Variants in AMBP observed in about 807,000 individuals in gnomAD.
AMBP encodes protein AMBP.
A neutral mutation model predicts 46.3 loss-of-function variants in AMBP; 37 were observed. That is an observed-to-expected ratio of 0.80 (90% CI 0.61 to 1.05). The LOEUF is 1.05. Among genes scored for constraint, AMBP ranks in the 50% least tolerant of loss-of-function variants. The pLI, the probability that AMBP is intolerant of heterozygous loss-of-function variation, is 0.00. For missense variants in AMBP, 475 were observed against 461.2 expected (o/e 1.03, Z -0.27); for synonymous variants, 174 against 175.9 (o/e 0.99, Z 0.09).
At chr9:114,067,560 A>G (rs956291946) in intron 6 of AMBP, among the ~76,000 whole-genome samples, 3 of 152,150 alleles carry the variant, frequency 2.0e-5, no homozygotes, top group African/African-American at 4.8e-5. Flanking sequence ...CCAACCCCCA[A>G]TAAATTTTTA....
At chr9:114,075,112 C>T in intron 2 of AMBP, 76 bp from the exon 3 acceptor site, 1 of 1,230,346 alleles carries the variant, frequency 8.1e-7, no homozygotes, top group South Asian at 1.3e-5. Flanking sequence ...TCCTGCAGGG[C>T]TCTTTCCAAA....
At chr9:114,067,991 A>G (rs1207893964) in intron 6 of AMBP, among the ~76,000 whole-genome samples, 5 of 152,250 alleles carry the variant, frequency 3.3e-5, no homozygotes, top group Admixed American at 6.5e-5. Context: ...AGAATCCACT[A>G]AAGTATAGAA....
Position 114,060,959 on chromosome 9 carries a change from C to T in AMBP, c.993G>A (p.Lys331=). Residue 331 remains lysine, a synonymous_variant, in exon 9 of 10, where the codon AAG becomes AAA. Coordinates refer to ENST00000265132, the MANE Select transcript of AMBP (RefSeq NM_001633.4). ...QGNGNKFYSE[K]ECREYCGVPG... ...GGACACCGCAGTACTCTCTGCACTCCTTCTCTGAGTAGAACTTGTTCCCGT... is the reference window on the plus strand; with the variant it reads ...GGACACCGCAGTACTCTCTGCACTCTTTCTCTGAGTAGAACTTGTTCCCGT... 1 of 1,614,226 alleles carries T rather than the reference C, an allele frequency of 6.2e-7. No homozygotes were observed. Among genetic ancestry groups the T allele is most frequent in the Non-Finnish European group, 8.5e-7 (1 of 1,180,020 alleles).
At chr9:114,070,002 T>C (rs1846728319) in intron 5 of AMBP, 1 of 530,890 alleles carries the variant, frequency 1.9e-6, no homozygotes, top group South Asian at 2.5e-5. Flanking sequence ...ATGGAAAGAA[T>C]AGCAATAGCT....
In AMBP at chr9:114,078,002, C is replaced by A. The variant is rs1218462582; in HGVS notation, c.117+91G>T. 4 of 1,275,828 alleles carry A rather than the reference C, an allele frequency of 3.1e-6. No homozygotes were observed. The East Asian group carries it at 9.3e-5, about 30-fold the overall frequency. 79.0% of individuals were successfully genotyped at this position (1,275,828 alleles called of 1,614,324 possible). Reference sequence around the variant, plus strand: ...AGATGATCTGAGTGGAAGCCTGAGACCCCGAGACAGGCCGCACTTGCCCAG... The same window carrying A: ...AGATGATCTGAGTGGAAGCCTGAGAACCCGAGACAGGCCGCACTTGCCCAG... On this transcript the variant is annotated intron_variant, in intron 1 of 9. Transcript: ENST00000265132.
intron 6 of AMBP, among the ~76,000 whole-genome samples, chr9:114,069,046 A>G (rs1366428895): frequency 1.3e-5 from 2 of 151,828 alleles, no homozygotes; most frequent in Non-Finnish European, 2.9e-5. Context: ...AATAAATATC[A>G]CATATATTTA....
chr9:114,069,047 C>T (rs897692852), intron 6 of AMBP, among the ~76,000 whole-genome samples: 2 of 151,588 alleles, frequency 1.3e-5, no homozygotes, highest in South Asian at 4.1e-4. Flanking sequence ...ATAAATATCA[C>T]ATATATTTAT....
In AMBP at chr9:114,060,941, G is replaced by T; in HGVS notation, c.1011C>A (p.Cys337Ter). The change falls in exon 9 of 10, where the codon TGC becomes TGA. Residue 337 changes from cysteine (C) to a stop codon, truncating the protein, a stop_gained. Transcript: ENST00000265132. LOFTEE classifies it high-confidence loss of function. ...FYSEKECREY[C>*]GVPGDGDEEL... ...GCTGCCTACCATCACCAGGGACACC[G>T]CAGTACTCTCTGCACTCCTTCTCTG... 6.2e-7 allele frequency: 1 copy of T among 1,614,022 alleles called. No individual in the cohort carries two copies.
At chr9:114,065,234 G>A (rs892523038) in intron 6 of AMBP, among the ~76,000 whole-genome samples, 3 of 152,202 alleles carry the variant, frequency 2.0e-5, no homozygotes, top group African/African-American at 7.2e-5. Context: ...TTGGAAATCA[G>A]ATTGTTCAGA....
chr9:114,069,654 T>A, intron 6 of AMBP, 45 bp downstream of exon 6: 1 of 1,116,890 alleles, frequency 9.0e-7, no homozygotes. Context: ...TGGGGCAGAG[T>A]GGGGTGGGAT....
intron 1 of AMBP, among the ~76,000 whole-genome samples, chr9:114,076,960 C>G (rs971215217): frequency 1.3e-5 from 2 of 152,126 alleles, no homozygotes; most frequent in Non-Finnish European, 1.5e-5. Flanking sequence ...CACAGCGAAC[C>G]CAGGAAGCAG....
chr9:114,073,270 G>A lies in AMBP; in HGVS notation c.455-244C>T, dbSNP rs1301061121. ...TTCCCCTTTTTTTTTTTTTTGAGAC[G>A]GAGTCTCACTCTGTCGCCTAGGCTG... is the stretch of plus-strand genomic sequence containing the variant. On this transcript the variant is annotated intron_variant, in intron 4 of 9. Coordinates refer to ENST00000265132, the MANE Select transcript of AMBP (RefSeq NM_001633.4). Among the ~76,000 whole-genome samples, 12 of 149,858 alleles carry A rather than the reference G, an allele frequency of 8.0e-5. 1 individual carries two copies. The highest frequency in any genetic ancestry group is 2.0e-4 in the East Asian group (1 of 5,094).
At position 114,078,242 on chromosome 9, in the gene AMBP, C is replaced by T. The variant is rs777608347; in HGVS notation, c.-33G>A. 1.9e-6 allele frequency: 3 copies of T among 1,593,026 alleles called. No individual in the cohort carries two copies. Among genetic ancestry groups the T allele is most frequent in the Non-Finnish European group, 2.6e-6 (3 of 1,166,444 alleles). Reference sequence around the variant, plus strand: ...GGCTCCTCTGCCTTGGTATATCCCACAGGCTCGGTCTAGCAACAGAAGGGC... The same window carrying T: ...GGCTCCTCTGCCTTGGTATATCCCATAGGCTCGGTCTAGCAACAGAAGGGC... On this transcript the variant is annotated 5_prime_UTR_variant, in exon 1 of 10. It adds an upstream start codon to the 5' untranslated region. Transcript: ENST00000265132.
At chr9:114,065,311 G>A (rs1025494347) in intron 6 of AMBP, among the ~76,000 whole-genome samples, 2 of 152,168 alleles carry the variant, frequency 1.3e-5, no homozygotes, top group Admixed American at 6.5e-5. Flanking sequence ...CCTTATAAAC[G>A]GGTGATTCGC....
intron 6 of AMBP, among the ~76,000 whole-genome samples, chr9:114,067,970 C>T (rs1376523670): frequency 6.6e-6 from 1 of 152,140 alleles, no homozygotes; most frequent in Non-Finnish European, 1.5e-5. Flanking sequence ...ATATTCACTA[C>T]AGGTAAGAAC....
Position 114,074,144 on chromosome 9 carries a change from T to C in AMBP, c.346A>G (p.Ile116Val), listed in dbSNP as rs988156509. ...TGGACCACATAGGACTCCATGGTTA[T>C]GTTCCATTCTGCATGGGAGGTGCAG... is the stretch of plus-strand genomic sequence containing the variant. ...KFLYHKSKWN[I>V]TMESYVVHTN... The change falls in exon 4 of 10, where the codon ATA (isoleucine) becomes GTA (valine). Residue 116 changes from isoleucine to valine, a missense_variant. Ile to Val is a conservative substitution (Grantham distance 29). Coordinates refer to ENST00000265132, the MANE Select transcript of AMBP (RefSeq NM_001633.4). 3.1e-6 allele frequency: 5 copies of C among 1,613,948 alleles called. No individual in the cohort carries two copies. The African/African-American group carries it at 5.3e-5, about 17-fold the overall frequency.
intron 5 of AMBP, 100 bp from the exon 6 acceptor site, chr9:114,069,845 T>G: frequency 7.9e-7 from 1 of 1,261,324 alleles, no homozygotes; most frequent in Non-Finnish European, 1.2e-6. Context: ...TGCTGGGAAC[T>G]TGTCGTGCCT....
chr9:114,060,765 G>A, intron 9 of AMBP, 160 bp downstream of exon 9: 1 of 867,170 alleles, frequency 1.2e-6, no homozygotes, highest in East Asian at 2.6e-5. Context: ...TCCAGCTGGG[G>A]TAAGGCCCCA....
intron 2 of AMBP, among the ~76,000 whole-genome samples, chr9:114,075,776 G>A (rs1846800068): frequency 6.6e-6 from 1 of 152,188 alleles, no homozygotes; most frequent in Non-Finnish European, 1.5e-5. Context: ...ACCTGAACCT[G>A]GGTGTCTGGG....
Sources: allele counts gnomAD v4.1 joint callset (sites outside exome capture counted in the v4.1 genomes callset), GRCh38; gene constraint gnomAD v4.1.1; transcripts MANE v1.5; gene names NCBI Gene and HGNC (gene_info 2026-07-23, HGNC 2026-07-21).